Variants in CSRP1 observed in about 807,000 individuals in gnomAD.
CSRP1 encodes cysteine and glycine rich protein 1, also known as cysteine and glycine-rich protein 1.
Under a neutral mutation model 25.4 loss-of-function variants are expected in CSRP1, and 16 were observed. The observed-to-expected ratio is 0.63, with a 90% confidence interval of 0.43 to 0.96. CSRP1 has a LOEUF of 0.96. Ranked by LOEUF, CSRP1 falls within the 40% of genes least tolerant of loss-of-function variation. The pLI is 0.00. For synonymous variants in CSRP1, 97 were observed against 95.3 expected, an observed-to-expected ratio of 1.02 and a Z score of -0.10; for missense variants, 212 against 243.6, an observed-to-expected ratio of 0.87 and a Z score of 0.86.
intron 1 of CSRP1, among the ~76,000 whole-genome samples, chr1:201,505,811 G>C (rs976536087): frequency 9.9e-5 from 15 of 152,202 alleles, no homozygotes; most frequent in Admixed American, 5.9e-4. Flanking sequence ...AGTTGAGTGA[G>C]AGCAGTTGAG....
intron 1 of CSRP1, among the ~76,000 whole-genome samples, chr1:201,504,507 T>C (rs1664760382): frequency 1.3e-5 from 2 of 152,228 alleles, no homozygotes; most frequent in Non-Finnish European, 2.9e-5. Context: ...AGCACCTCTT[T>C]GGATCCCAAA....
chr1:201,500,533 G>T (rs143999424), intron 1 of CSRP1, among the ~76,000 whole-genome samples: 1 of 152,266 alleles, frequency 6.6e-6, no homozygotes, highest in Non-Finnish European at 1.5e-5. Context: ...GGGCGAGGGT[G>T]GGGGGTCTCC....
chr1:201,502,010 A>C (rs1371968683), intron 1 of CSRP1, among the ~76,000 whole-genome samples: 1 of 151,538 alleles, frequency 6.6e-6, no homozygotes, highest in Non-Finnish European at 1.5e-5. Flanking sequence ...TAAATAAATA[A>C]ATAAATAAAT....
In CSRP1 at chr1:201,484,804, G is replaced by A. The variant is rs527738022; in HGVS notation, c.506-15C>T. 4 of 1,607,578 alleles carry A rather than the reference G, an allele frequency of 2.5e-6. No homozygotes were observed. Among genetic ancestry groups the A allele is most frequent in the African/African-American group, 1.3e-5 (1 of 74,840 alleles). The stretch of plus-strand genomic sequence containing the variant: ...AGCATAACATCCTGCAGAGAGAGGA[G>A]AGAGATAAGGGCATGTTCTTCCTCC... On this transcript the variant is annotated splice_polypyrimidine_tract_variant and intron_variant, in intron 5 of 5. Transcript: ENST00000340006.
chr1:201,486,804 A>T (rs1664160210), intron 4 of CSRP1: 1 of 1,057,120 alleles, frequency 9.5e-7, no homozygotes, highest in Non-Finnish European at 1.2e-6. Flanking sequence ...CTTGAATGCA[A>T]AATTCTCTTA....
chr1:201,502,157 T>A (rs1213581023), intron 1 of CSRP1, among the ~76,000 whole-genome samples: 1 of 152,166 alleles, frequency 6.6e-6, no homozygotes, highest in East Asian at 1.9e-4. Flanking sequence ...TATCTTTATT[T>A]CTACAGTGGA....
intron 2 of CSRP1, chr1:201,491,550 T>C (rs116979333): frequency 6.6e-6 from 1 of 152,336 alleles, no homozygotes; most frequent in East Asian, 1.9e-4. Flanking sequence ...ATAATAAATG[T>C]TGGCTACTCT....
At chr1:201,499,762 C>A (rs1664612184) in intron 1 of CSRP1, among the ~76,000 whole-genome samples, 1 of 152,104 alleles carries the variant, frequency 6.6e-6, no homozygotes, top group Non-Finnish European at 1.5e-5. Context: ...ATTATAGGCG[C>A]CCGCCACCAC....
chr1:201,485,237 A>AC, intron 5 of CSRP1, 46 bp downstream of exon 5: 1 of 1,559,982 alleles, frequency 6.4e-7, no homozygotes. Context: ...TAGCCCCCCT[A>AC]CCCCCTTGGG....
chr1:201,491,775 T>C (rs185370564), intron 2 of CSRP1: 10 of 152,358 alleles, frequency 6.6e-5, no homozygotes, highest in Admixed American at 5.2e-4. Context: ...TCCTCAAACA[T>C]GTCCTGAACA....
Position 201,484,708 on chromosome 1 carries a change from T to C in CSRP1, c.*5A>G. On this transcript the variant is annotated 3_prime_UTR_variant, in exon 6 of 6. Coordinates refer to ENST00000340006, the MANE Select transcript of CSRP1 (RefSeq NM_004078.3). Reference sequence around the variant, plus strand: ...GTGGGCAGGGTGTGGTGGGTGATGGTGGCCTCACTCAGAGTGGACCAAGGC... The same window carrying C: ...GTGGGCAGGGTGTGGTGGGTGATGGCGGCCTCACTCAGAGTGGACCAAGGC... The C allele has an allele frequency of 1.2e-6, 2 of 1,609,270 alleles. No homozygotes were observed. Among genetic ancestry groups the C allele is most frequent in the Non-Finnish European group, 1.7e-6 (2 of 1,178,530 alleles).
At chr1:201,501,831 A>G (rs1256164242) in intron 1 of CSRP1, among the ~76,000 whole-genome samples, 1 of 152,022 alleles carries the variant, frequency 6.6e-6, no homozygotes, top group Admixed American at 6.6e-5. Context: ...CATCTTTAAT[A>G]AAAATACAAA....
chr1:201,489,972 A>G (rs566108754), intron 3 of CSRP1: 13 of 526,050 alleles, frequency 2.5e-5, no homozygotes, highest in Non-Finnish European at 4.0e-5. Flanking sequence ...TGCAGGGAGG[A>G]GCCCAGCCTG....
chr1:201,501,689 A>C (rs1291403436), intron 1 of CSRP1, among the ~76,000 whole-genome samples: 1 of 152,152 alleles, frequency 6.6e-6, no homozygotes, highest in Non-Finnish European at 1.5e-5. Context: ...CAGTCACCCC[A>C]AATCTCATGA....
At chr1:201,496,342 G>T in intron 1 of CSRP1, 38 bp from the exon 2 acceptor site, 1 of 1,480,306 alleles carries the variant, frequency 6.8e-7, no homozygotes, top group Non-Finnish European at 9.4e-7. Context: ...AATTTTACAG[G>T]GAGATGGAAA....
At chr1:201,488,768 A>G in intron 4 of CSRP1, 87 bp downstream of exon 4, 1 of 1,526,838 alleles carries the variant, frequency 6.5e-7, no homozygotes, top group Non-Finnish European at 9.0e-7. Context: ...CCCTGAGCAG[A>G]GCTAGGTCAC....
intron 1 of CSRP1, 89 bp downstream of exon 1, chr1:201,506,981 G>A (rs1214543180): frequency 6.6e-6 from 1 of 152,224 alleles, no homozygotes; most frequent in African/African-American, 2.4e-5. Context: ...CCGGGGCTGC[G>A]GCGGGGCTGG....
chr1:201,491,357 G>A (rs1664334091), intron 2 of CSRP1: 1 of 152,156 alleles, frequency 6.6e-6, no homozygotes, highest in Non-Finnish European at 1.5e-5. Context: ...GAGTCAGACT[G>A]CCCAGAATCA....
At chr1:201,496,365 TC>T in intron 1 of CSRP1, 61 bp from the exon 2 acceptor site, 1 of 1,346,482 alleles carries the variant, frequency 7.4e-7, no homozygotes, top group Non-Finnish European at 1.1e-6. Context: ...TCTCAGATTG[TC>T]CACGACAGAA....
Sources: gnomAD v4.1 joint callset for allele counts (sites outside exome capture counted in the v4.1 genomes callset) on GRCh38, gnomAD v4.1.1 for gene constraint, MANE v1.5 for transcripts, NCBI Gene and HGNC (gene_info 2026-07-23, HGNC 2026-07-21) for gene names.